The following TMEM114 variants were observed in gnomAD, a reference collection of about 807,000 sequenced individuals.
The protein encoded by TMEM114 is transmembrane protein 114.
A neutral mutation model predicts 6.2 loss-of-function variants in TMEM114; 6 were observed. The observed-to-expected ratio is 0.97, with a 90% CI of 0.53 to 1.91. The LOEUF (loss-of-function observed/expected upper bound fraction) is 1.91. Among genes scored for constraint, TMEM114 ranks in the 40% most tolerant of loss-of-function variants. The pLI is 0.01. For missense variants in TMEM114, 218 were observed against 158.3 expected (o/e 1.38, Z -2.02); for synonymous variants, 104 against 73.0 (o/e 1.42, Z -2.16).
intron 2 of TMEM114, among the ~76,000 whole-genome samples, chr16:8,588,127 A>T (rs1002428105): frequency 6.6e-6 from 1 of 152,226 alleles, no homozygotes; most frequent in South Asian, 2.1e-4. Flanking sequence ...TTGTACTAGA[A>T]ATATGAAAAA....
intron 2 of TMEM114, among the ~76,000 whole-genome samples, chr16:8,550,248 A>G (rs751530936): frequency 5.6e-4 from 85 of 152,184 alleles, no homozygotes; most frequent in Non-Finnish European, 2.4e-4. Flanking sequence ...TCAAATGATA[A>G]TCTCTTCTGG....
At chr16:8,559,465 G>C (rs758170758) in intron 2 of TMEM114, among the ~76,000 whole-genome samples, 3 of 152,166 alleles carry the variant, frequency 2.0e-5, no homozygotes, top group Admixed American at 1.3e-4. Flanking sequence ...GCCCGCCATG[G>C]GCTCCCTGAG....
At chr16:8,561,787 C>T (rs1224805722) in intron 2 of TMEM114, among the ~76,000 whole-genome samples, 2 of 145,456 alleles carry the variant, frequency 1.4e-5, no homozygotes, top group Non-Finnish European at 3.0e-5. Flanking sequence ...ATGAGTGAAT[C>T]AGTGAATAGT....
chr16:8,564,679 GAATGAGT>G (rs1567203896), downstream of TMEM114, among the ~76,000 whole-genome samples: 12 of 17,172 alleles, frequency 7.0e-4, no homozygotes, highest in Non-Finnish European at 8.8e-4. Context: ...GGGAATGAGT[GAATGAGT>G]GAGTGAATGA....
downstream of TMEM114, among the ~76,000 whole-genome samples, chr16:8,535,732 A>T (rs1016935952): frequency 6.6e-6 from 1 of 152,178 alleles, no homozygotes; most frequent in Non-Finnish European, 1.5e-5. Flanking sequence ...CATAATTCTC[A>T]TCAAGTCAAA....
the TMEM114 span, among the ~76,000 whole-genome samples, chr16:8,528,313 G>A: frequency 2.6e-5 from 4 of 152,228 alleles, no homozygotes; most frequent in Admixed American, 6.5e-5. Context: ...GATAAAGGAG[G>A]AAGATGCATC....
chr16:8,546,408 C>T (rs186551761), intron 2 of TMEM114, among the ~76,000 whole-genome samples: 30 of 152,200 alleles, frequency 2.0e-4, no homozygotes, highest in Non-Finnish European at 3.2e-4. Context: ...CTGAATGTAC[C>T]GACAGTAGCC....
chr16:8,537,626 T>C (rs546476116), exon 3 of TMEM114: 2 of 152,354 alleles, frequency 1.3e-5, no homozygotes, highest in African/African-American at 4.8e-5. Context: ...TATTCACATA[T>C]ATGTATAGAT....
chr16:8,536,924 C>G (rs1347197767), downstream of TMEM114, among the ~76,000 whole-genome samples: 1 of 152,118 alleles, frequency 6.6e-6, no homozygotes, highest in Non-Finnish European at 1.5e-5. Context: ...ATTAAACATA[C>G]AGGCCAGGTG....
chr16:8,571,989 G>T (rs967838930), intron 3 of TMEM114, 98 bp downstream of exon 3: 1 of 1,372,374 alleles, frequency 7.3e-7, no homozygotes. Flanking sequence ...ACCCCACGAG[G>T]CCCTGGGATC....
At chr16:8,547,640 C>G (rs889679291) in intron 2 of TMEM114, among the ~76,000 whole-genome samples, 1 of 152,144 alleles carries the variant, frequency 6.6e-6, no homozygotes, top group East Asian at 1.9e-4. Context: ...ATCCACCCGC[C>G]TCGGCCTCCC....
chr16:8,557,933 C>A (rs1243000335), intron 2 of TMEM114, among the ~76,000 whole-genome samples: 5 of 152,152 alleles, frequency 3.3e-5, no homozygotes, highest in Admixed American at 6.5e-5. Flanking sequence ...GAAATGTATT[C>A]TCTCACAATT....
chr16:8,548,780 T>C (rs552405227), intron 2 of TMEM114, among the ~76,000 whole-genome samples: 1 of 152,002 alleles, frequency 6.6e-6, no homozygotes, highest in African/African-American at 2.4e-5. Context: ...ATGTGAAATA[T>C]TTCAATTTTA....
chr16:8,572,261 G>C (rs777054161), intron 2 of TMEM114, 37 bp from the exon 3 acceptor site: 191 of 1,550,994 alleles, frequency 1.2e-4, no homozygotes, highest in Admixed American at 1.2e-3. Context: ...GCAGAGGACA[G>C]TTACTAACAT....
At chr16:8,568,840 A>C (rs1044908653), downstream of TMEM114, among the ~76,000 whole-genome samples, 1 of 152,248 alleles carries the variant, frequency 6.6e-6, no homozygotes, top group Non-Finnish European at 1.5e-5. Context: ...TCAAGGATGT[A>C]GACAGCAGCA....
intron 2 of TMEM114, among the ~76,000 whole-genome samples, chr16:8,555,832 G>A (rs1288928102): frequency 1.3e-5 from 2 of 152,194 alleles, no homozygotes. Flanking sequence ...CAATACAGAA[G>A]GAAGCTCCCA....
chr16:8,533,570 G>T (rs1333300761), downstream of TMEM114, among the ~76,000 whole-genome samples: 10 of 152,208 alleles, frequency 6.6e-5, no homozygotes, highest in African/African-American at 2.4e-4. Context: ...GGCATGATCT[G>T]GTCCAGAGCT....
intron 2 of TMEM114, among the ~76,000 whole-genome samples, chr16:8,581,741 A>C (rs1228277697): frequency 6.6e-6 from 1 of 152,278 alleles, no homozygotes; most frequent in South Asian, 2.1e-4. Context: ...GGTGTGCGCC[A>C]CTGCGCCCAG....
chr16:8,585,702 T>C (rs868677563), intron 2 of TMEM114, among the ~76,000 whole-genome samples: 12 of 152,248 alleles, frequency 7.9e-5, no homozygotes, highest in South Asian at 2.1e-4. Flanking sequence ...TTGTCCTTTT[T>C]CATGGAGGAT....
Sources: gnomAD v4.1 joint callset for allele counts (sites outside exome capture counted in the v4.1 genomes callset) on GRCh38, gnomAD v4.1.1 for gene constraint, MANE v1.5 for transcripts, NCBI Gene and HGNC (gene_info 2026-07-23, HGNC 2026-07-21) for gene names.